LYST: variants seen among roughly 807,000 people sequenced by gnomAD.
LYST encodes the protein lysosomal-trafficking regulator.
A neutral mutation model predicts 413.6 loss-of-function variants in LYST; 192 were observed. The ratio of observed to expected loss-of-function variants is 0.46; its 90% CI spans 0.41 to 0.52. The LOEUF (loss-of-function observed/expected upper bound fraction) is 0.52. LYST is among the 20% of genes least tolerant of loss of function. The pLI is 0.00. For synonymous variants in LYST, 1,525 were observed against 1,567.3 expected, an observed-to-expected ratio of 0.97 and a Z score of 0.64; for missense variants, 3,815 against 4,499.9, an observed-to-expected ratio of 0.85 and a Z score of 4.35.
intron 10 of LYST, among the ~76,000 whole-genome samples, chr1:235,798,471 T>C (rs1671803392): frequency 6.7e-6 from 1 of 149,652 alleles, no homozygotes; most frequent in African/African-American, 2.4e-5. Context: ...ATAAAGTCTA[T>C]TAATAAAAAC....
intron 1 of LYST, among the ~76,000 whole-genome samples, chr1:235,838,625 C>T (rs1335183819): frequency 1.3e-5 from 2 of 152,146 alleles, no homozygotes; most frequent in East Asian, 3.8e-4. Flanking sequence ...CATTATTCCT[C>T]CACAGGCTTC....
At chr1:235,811,205 T>C (rs945189260) in intron 4 of LYST, among the ~76,000 whole-genome samples, 9 of 152,180 alleles carry the variant, frequency 5.9e-5, no homozygotes, top group Admixed American at 1.3e-4. Flanking sequence ...TTTAAAACTA[T>C]ATATTATATT....
At chr1:235,830,132 AAGG>A (rs1675789030) in intron 3 of LYST, 91 bp downstream of exon 3, 2 of 911,786 alleles carry the variant, frequency 2.2e-6, no homozygotes, top group African/African-American at 3.3e-5. Flanking sequence ...ACTTTATCTC[AAGG>A]AGGCTTCAGA....
At chr1:235,874,580 T>C (rs1241824865) in intron 1 of LYST, among the ~76,000 whole-genome samples, 1 of 152,216 alleles carries the variant, frequency 6.6e-6, no homozygotes, top group Non-Finnish European at 1.5e-5. Context: ...AAGATAAATT[T>C]TTTAAAATAA....
At chr1:235,743,844 C>A in intron 30 of LYST, 135 bp downstream of exon 30, 1 of 585,004 alleles carries the variant, frequency 1.7e-6, no homozygotes, top group South Asian at 2.2e-5. Context: ...ATTAAAAATT[C>A]AAGTTGTCCG....
chr1:235,767,242 T>C (rs1668233749), intron 20 of LYST, among the ~76,000 whole-genome samples: 1 of 152,126 alleles, frequency 6.6e-6, no homozygotes, highest in Admixed American at 6.5e-5. Context: ...TCTTCATATG[T>C]CCAAATATAT....
rs777848017 is a variant in LYST at position 235,806,792 on chromosome 1, T to C, written c.2364-20A>G. ...ATTACCCTGTGAAAGAAAAAAAGCA[T>C]GTAAAAAGGTTTAAATAAAGAAACA... On this transcript the variant is annotated intron_variant, in intron 5 of 52. Coordinates refer to ENST00000389793, the MANE Select transcript of LYST (RefSeq NM_000081.4). 18 of 1,532,878 alleles carry C rather than the reference T, an allele frequency of 1.2e-5. No homozygotes were observed. The South Asian group carries it at 1.2e-4, about 11-fold the overall frequency. The allele number at this position is 1,532,878 out of a possible 1,614,324, so 95.0% of individuals were successfully genotyped here.
chr1:235,679,343 G>A (rs1659629611), intron 48 of LYST, among the ~76,000 whole-genome samples: 1 of 152,052 alleles, frequency 6.6e-6, no homozygotes, highest in African/African-American at 2.4e-5. Flanking sequence ...TAGGACCAAG[G>A]AATTCCCTGC....
At chr1:235,709,428 T>TATAAACAGTATAAAC (rs1558138935) in intron 43 of LYST, 120 bp from the exon 44 acceptor site, 15 of 746,868 alleles carry the variant, frequency 2.0e-5, no homozygotes, top group African/African-American at 1.7e-4. Context: ...AAAAAGGGAA[T>TATAAACAGTATAAAC]AGCAAGGAGG....
intron 48 of LYST, among the ~76,000 whole-genome samples, chr1:235,682,302 G>T (rs138041235): frequency 3.3e-5 from 5 of 152,298 alleles, no homozygotes; most frequent in Admixed American, 3.3e-4. Flanking sequence ...TCCAGCATGG[G>T]CAAAAGGGCA....
At chr1:235,695,519 C>G (rs1661024362) in intron 46 of LYST, among the ~76,000 whole-genome samples, 1 of 151,696 alleles carries the variant, frequency 6.6e-6, no homozygotes, top group Non-Finnish European at 1.5e-5. Context: ...TGTAGTGGCA[C>G]AAATAAGATA....
rs1373091806 is a variant in LYST, at chr1:235,761,592, A to G, written c.6253+1128T>C. Among the ~76,000 whole-genome samples the G allele has an allele frequency of 2.0e-5, 3 of 152,128 alleles. No homozygotes were observed. In the East Asian group the frequency reaches 5.8e-4, roughly 29 times the overall value. ...AAGCTCTGCTACAACTTTCAGCAGT[A>G]TGACAATGGTTAGACTGAGGCGAGG... On this transcript the variant is annotated intron_variant, in intron 22 of 52. Transcript: ENST00000389793.
Position 235,775,068 on chromosome 1 carries a change from A to G in LYST, c.5479T>C (p.Cys1827Arg), listed in dbSNP as rs148929238. ...LFARVVELSS[C>R]EETQALALRV... ...AGTGCTAATGCTTGAGTTTCTTCAC[A>G]GCTACTGAGTTCAACAACCTAAAAA... The change falls in exon 18 of 53, where the codon TGT becomes CGT. Residue 1827 changes from cysteine (C) to arginine (R), a missense_variant. By Grantham distance (180) the Cys-to-Arg change is radical. This residue lies in a region of LYST where 530 missense variants were observed against 696.5 expected (regional missense o/e 0.76). Transcript: ENST00000389793. 6.2e-6 allele frequency: 10 copies of G among 1,611,244 alleles called. No individual in the cohort carries two copies. In the African/African-American group the frequency reaches 1.3e-4, roughly 22 times the overall value.
chr1:235,755,747 T>G, intron 24 of LYST, 100 bp from the exon 25 acceptor site: 1 of 683,154 alleles, frequency 1.5e-6, no homozygotes, highest in South Asian at 1.8e-5. Context: ...TAAGTTCATA[T>G]GTACAGAAGA....
chr1:235,831,013 C>A (rs571596680), intron 2 of LYST, among the ~76,000 whole-genome samples: 10 of 152,030 alleles, frequency 6.6e-5, no homozygotes, highest in Non-Finnish European at 1.5e-4. Flanking sequence ...TAAGCTACAG[C>A]AAACAGAATA....
At chr1:235,717,606 C>A (rs1662959332) in intron 40 of LYST, among the ~76,000 whole-genome samples, 1 of 152,152 alleles carries the variant, frequency 6.6e-6, no homozygotes, top group Non-Finnish European at 1.5e-5. Context: ...GGCATGGGAC[C>A]ACCTGGATTT....
intron 38 of LYST, among the ~76,000 whole-genome samples, chr1:235,727,598 T>A (rs1244435854): frequency 6.6e-5 from 10 of 152,300 alleles, no homozygotes; most frequent in African/African-American, 2.4e-4. Context: ...ATAAAAAGCT[T>A]TATTATACAA....
upstream of LYST, among the ~76,000 whole-genome samples, chr1:235,867,701 G>A (rs4659610): frequency 0.3 from 45,414 of 152,042 alleles, 8,847 homozygotes; most frequent in East Asian, 0.8. Context: ...AGACTGCTGC[G>A]GTAGGCAGTT....
intron 12 of LYST, among the ~76,000 whole-genome samples, chr1:235,789,687 C>T (rs753506244): frequency 2.2e-4 from 33 of 152,044 alleles, no homozygotes; most frequent in Non-Finnish European, 3.7e-4. Flanking sequence ...CTCCCTGTAG[C>T]GATGACAATA....
Sources: gnomAD v4.1 joint callset for allele counts (sites outside exome capture counted in the v4.1 genomes callset) on GRCh38, gnomAD v4.1.1 for gene constraint, gnomAD v4.1.1 regional missense constraint, MANE v1.5 for transcripts, NCBI Gene and HGNC (gene_info 2026-07-23, HGNC 2026-07-21) for gene names.